FOXN3: variants seen among roughly 807,000 people sequenced by gnomAD.
FOXN3 encodes the protein forkhead box protein N3.
FOXN3 carries 7 observed loss-of-function variants against 38.4 expected under a neutral mutation model. The observed-to-expected ratio is 0.18, with a 90% CI of 0.10 to 0.34. FOXN3 has a LOEUF of 0.34. Among genes scored for constraint, FOXN3 ranks in the 10% least tolerant of loss-of-function variants. The probability of loss-of-function intolerance (pLI) is 1.00; values close to 1 mark genes in which losing one functional copy is unlikely to be tolerated. For missense variants in FOXN3, 456 were observed against 613.4 expected (o/e 0.74, Z 2.71); for synonymous variants, 230 against 242.2 (o/e 0.95, Z 0.47).
At position 89,180,941 on chromosome 14, in the gene FOXN3, C is replaced by T. The variant is rs958800356; in HGVS notation, c.746-135G>A. On this transcript the variant is annotated intron_variant, in intron 4 of 5. Transcript: ENST00000557258. Reference sequence around the variant, plus strand: ...GCAGAGACAGAGAGAAACACACACACACACGTGCACATACACACACACACA... The same window carrying T: ...GCAGAGACAGAGAGAAACACACACATACACGTGCACATACACACACACACA... The T allele has an allele frequency of 1.4e-4, 81 of 568,838 alleles. No individual in the cohort carries two copies. In the African/African-American group the frequency reaches 1.9e-3, roughly 13 times the overall value. The allele number at this position is 568,838 out of a possible 1,614,324, so 35.2% of individuals were successfully genotyped here. A position where few individuals can be genotyped will look rare whatever the true frequency, so the allele number is the denominator to read the frequency against.
intron 1 of FOXN3, among the ~76,000 whole-genome samples, chr14:89,615,116 ATTTTT>A (rs374606775): frequency 1.4e-4 from 15 of 106,778 alleles, no homozygotes; most frequent in African/African-American, 3.6e-4. Flanking sequence ...CCCAATTTCG[ATTTTT>A]TTTTTTTTTT....
chr14:89,216,522 C>T (rs1884287771), intron 4 of FOXN3, among the ~76,000 whole-genome samples: 2 of 152,168 alleles, frequency 1.3e-5, no homozygotes, highest in African/African-American at 4.8e-5. Context: ...GCCTCAGTCT[C>T]CCTCCCTGCT....
At chr14:89,236,637 G>T (rs911331765) in intron 4 of FOXN3, among the ~76,000 whole-genome samples, 1 of 152,210 alleles carries the variant, frequency 6.6e-6, no homozygotes, top group African/African-American at 2.4e-5. Flanking sequence ...CCAGAAGGGG[G>T]TTTCTGCTCA....
chr14:89,487,683 A>T (rs959464956), intron 1 of FOXN3, among the ~76,000 whole-genome samples: 1 of 152,216 alleles, frequency 6.6e-6, no homozygotes, highest in Non-Finnish European at 1.5e-5. Context: ...AGGGATGAAG[A>T]GTCAGAGATG....
chr14:89,285,279 G>C (rs2139924126), intron 3 of FOXN3, among the ~76,000 whole-genome samples: 1 of 152,276 alleles, frequency 6.6e-6, no homozygotes, highest in South Asian at 2.1e-4. Flanking sequence ...CCAGCACTTT[G>C]GGAGGCCAAG....
At chr14:89,225,657 G>A (rs189806193) in intron 4 of FOXN3, among the ~76,000 whole-genome samples, 1 of 152,204 alleles carries the variant, frequency 6.6e-6, no homozygotes, top group East Asian at 1.9e-4. Flanking sequence ...ACTAGATCTA[G>A]TCTGCAATTT....
intron 1 of FOXN3, among the ~76,000 whole-genome samples, chr14:89,442,619 G>A (rs1265005311): frequency 6.6e-6 from 1 of 152,176 alleles, no homozygotes; most frequent in Non-Finnish European, 1.5e-5. Flanking sequence ...GGATCCCTGA[G>A]TTGTATGCAG....
chr14:89,329,014 G>T (rs1888160390), intron 3 of FOXN3, among the ~76,000 whole-genome samples: 1 of 152,176 alleles, frequency 6.6e-6, no homozygotes, highest in Non-Finnish European at 1.5e-5. Flanking sequence ...CTGCTCCTGT[G>T]CTCAGCTTAT....
chr14:89,309,447 T>A (rs562144716), intron 3 of FOXN3, among the ~76,000 whole-genome samples: 1 of 152,226 alleles, frequency 6.6e-6, no homozygotes, highest in African/African-American at 2.4e-5. Context: ...GGTATTAGAA[T>A]TAAAAATTTA....
intron 3 of FOXN3, among the ~76,000 whole-genome samples, chr14:89,299,876 G>C (rs74656150): frequency 0.061 from 9,347 of 152,260 alleles, 412 homozygotes; most frequent in Non-Finnish European, 0.081. Context: ...AGTGGCAAAA[G>C]CTTATCTAAA....
intron 1 of FOXN3, among the ~76,000 whole-genome samples, chr14:89,571,211 T>C (rs1482547138): frequency 6.6e-6 from 1 of 151,946 alleles, no homozygotes; most frequent in Admixed American, 6.6e-5. Flanking sequence ...GTGATTGCAA[T>C]GAAAGGTGAT....
At chr14:89,482,642 C>G (rs1324512296) in intron 1 of FOXN3, among the ~76,000 whole-genome samples, 2 of 151,574 alleles carry the variant, frequency 1.3e-5, no homozygotes, top group Non-Finnish European at 2.9e-5. Context: ...GGCATGGTGG[C>G]TCACACCTAT....
intron 2 of FOXN3, among the ~76,000 whole-genome samples, chr14:89,375,947 A>G (rs1890466328): frequency 6.6e-6 from 1 of 151,682 alleles, no homozygotes; most frequent in Non-Finnish European, 1.5e-5. Context: ...TGCCTGGCTA[A>G]TTTTTTTGTA....
At chr14:89,553,961 AG>A (rs1418556434) in intron 1 of FOXN3, among the ~76,000 whole-genome samples, 4 of 152,202 alleles carry the variant, frequency 2.6e-5, no homozygotes, top group Admixed American at 1.3e-4. Context: ...AAGAAAAAAA[AG>A]ATACTAATTC....
chr14:89,464,595 T>A (rs1341103231), intron 1 of FOXN3, among the ~76,000 whole-genome samples: 2 of 152,214 alleles, frequency 1.3e-5, no homozygotes, highest in Non-Finnish European at 2.9e-5. Flanking sequence ...AAATCTCATC[T>A]TGAATTGCAG....
chr14:89,220,450 C>A lies in FOXN3; in HGVS notation c.746-39644G>T, dbSNP rs551125614. 1.9e-3 allele frequency among the ~76,000 whole-genome samples: 289 copies of A among 152,282 alleles called. 1 individual carries two copies. Among genetic ancestry groups the A allele is most frequent in the Non-Finnish European group, 2.0e-3 (135 of 68,026 alleles). ...GCACCATCTTCAGATCTAAATGATACAACTAAAGCATCACCATTTTCAGGA... is the reference window on the plus strand; with the variant it reads ...GCACCATCTTCAGATCTAAATGATAAAACTAAAGCATCACCATTTTCAGGA... On this transcript the variant is annotated intron_variant, in intron 4 of 5. Transcript: ENST00000557258.
intron 1 of FOXN3, among the ~76,000 whole-genome samples, chr14:89,520,922 C>T (rs151083928): frequency 4.6e-5 from 7 of 152,290 alleles, no homozygotes; most frequent in Admixed American, 1.3e-4. Flanking sequence ...AAATCATGCA[C>T]ATGATGTAAA....
chr14:89,545,517 C>A (rs1266003430), intron 1 of FOXN3, among the ~76,000 whole-genome samples: 1 of 152,198 alleles, frequency 6.6e-6, no homozygotes, highest in Admixed American at 6.5e-5. Flanking sequence ...CTCCCCAGCT[C>A]CCAGTCCATT....
intron 2 of FOXN3, among the ~76,000 whole-genome samples, chr14:89,379,091 C>T (rs544892076): frequency 1.8e-4 from 27 of 152,174 alleles, no homozygotes; most frequent in Non-Finnish European, 1.5e-4. Flanking sequence ...AAAGGGTTTT[C>T]GTGATACCCT....
Sources: gnomAD v4.1 joint callset for allele counts (sites outside exome capture counted in the v4.1 genomes callset) on GRCh38, gnomAD v4.1.1 for gene constraint, MANE v1.5 for transcripts, NCBI Gene and HGNC (gene_info 2026-07-23, HGNC 2026-07-21) for gene names.